STXBP5L: variants seen among roughly 807,000 people sequenced by gnomAD.
STXBP5L encodes the protein syntaxin binding protein 5L, also known as syntaxin-binding protein 5-like.
A neutral mutation model predicts 144.5 loss-of-function variants in STXBP5L; 65 were observed. That is an observed-to-expected ratio of 0.45 (90% CI 0.37 to 0.55). The LOEUF (loss-of-function observed/expected upper bound fraction) is 0.55. Among genes scored for constraint, STXBP5L ranks in the 20% least tolerant of loss-of-function variants. The probability of loss-of-function intolerance (pLI) is 0.00; values close to 1 mark genes in which losing one functional copy is unlikely to be tolerated. For missense variants in STXBP5L, 1,298 were observed against 1,405.5 expected (o/e 0.92, Z 1.22); for synonymous variants, 505 against 469.6 (o/e 1.08, Z -0.97).
At chr3:121,054,907 G>A (rs541627594) in intron 5 of STXBP5L, among the ~76,000 whole-genome samples, 1 of 152,182 alleles carries the variant, frequency 6.6e-6, no homozygotes, top group Admixed American at 6.6e-5. Context: ...GATGGACAGA[G>A]TGTTTTTATT....
At chr3:121,007,555 T>A (rs752238560) in intron 3 of STXBP5L, among the ~76,000 whole-genome samples, 3 of 152,058 alleles carry the variant, frequency 2.0e-5, no homozygotes, top group Non-Finnish European at 4.4e-5. Context: ...TTAAAATTCT[T>A]TAATAGATAT....
chr3:121,121,648 A>G lies in STXBP5L; in HGVS notation c.613A>G (p.Lys205Glu). Residue 205 changes from lysine to glutamate, a missense_variant, in exon 7 of 27, where the codon AAG becomes GAG. Physicochemically the swap from Lys to Glu is moderately conservative, Grantham distance 56 (BLOSUM62 1). Coordinates refer to ENST00000471454, the MANE Select transcript of STXBP5L (RefSeq NM_001308330.2). ...TTTGAATTGATTTAACAGATCCACT[A>G]AGACTCATCCAGGTCCAGTTGTACA... ...MWNKAIELSTKTHPGPVVHLS... is the reference protein window; with the variant it reads ...MWNKAIELSTETHPGPVVHLS... 5 of 1,604,338 alleles carry G rather than the reference A, an allele frequency of 3.1e-6. No individual in the cohort carries two copies. Among genetic ancestry groups the G allele is most frequent in the Non-Finnish European group, 3.4e-6 (4 of 1,173,012 alleles).
intron 10 of STXBP5L, among the ~76,000 whole-genome samples, chr3:121,221,859 G>A (rs1478698364): frequency 5.9e-5 from 9 of 151,646 alleles, no homozygotes; most frequent in Admixed American, 5.3e-4. Flanking sequence ...ATGTATGTTT[G>A]TATAGAAGCT....
intron 6 of STXBP5L, among the ~76,000 whole-genome samples, chr3:121,121,294 T>C (rs1386222726): frequency 6.6e-6 from 1 of 151,284 alleles, no homozygotes; most frequent in Admixed American, 6.6e-5. Context: ...ACCATTACCT[T>C]TGTAGCTGTA....
Position 121,077,993 on chromosome 3 carries a change from T to G in STXBP5L, c.470+32458T>G, listed in dbSNP as rs189457094. Among the ~76,000 whole-genome samples, 4 of 152,240 alleles carry G rather than the reference T, an allele frequency of 2.6e-5. No individual in the cohort carries two copies. In the East Asian group the frequency reaches 7.7e-4, roughly 29 times the overall value. On this transcript the variant is annotated intron_variant, in intron 5 of 26. Coordinates refer to ENST00000471454, the MANE Select transcript of STXBP5L (RefSeq NM_001308330.2). ...TAGCTAGATACAGAGTGTCGATTGGTACATTCACAAACCCTGAGCTAGACA... is the reference window on the plus strand; with the variant it reads ...TAGCTAGATACAGAGTGTCGATTGGGACATTCACAAACCCTGAGCTAGACA...
chr3:121,129,033 T>G (rs1157210293), intron 7 of STXBP5L, among the ~76,000 whole-genome samples: 2 of 151,934 alleles, frequency 1.3e-5, no homozygotes, highest in Non-Finnish European at 2.9e-5. Flanking sequence ...TACTGGGAAA[T>G]TTTTAAAAAA....
intron 22 of STXBP5L, among the ~76,000 whole-genome samples, chr3:121,396,358 C>G (rs775269238): frequency 5.9e-5 from 9 of 152,176 alleles, no homozygotes; most frequent in Non-Finnish European, 1.2e-4. Context: ...AAAAATGTAG[C>G]TAGAGCTTGG....
intron 9 of STXBP5L, among the ~76,000 whole-genome samples, chr3:121,170,617 A>ATATAC (rs2046673120): frequency 6.6e-6 from 1 of 152,198 alleles, no homozygotes; most frequent in South Asian, 2.1e-4. Flanking sequence ...TCCTAACCAC[A>ATATAC]TATACCCTCC....
intron 7 of STXBP5L, among the ~76,000 whole-genome samples, chr3:121,124,088 G>A (rs1037504047): frequency 1.3e-5 from 2 of 151,714 alleles, no homozygotes; most frequent in Admixed American, 6.6e-5. Flanking sequence ...TTATTGTATA[G>A]TGAATCTATT....
intron 22 of STXBP5L, among the ~76,000 whole-genome samples, chr3:121,382,728 G>A (rs2046347620): frequency 6.6e-6 from 1 of 152,020 alleles, no homozygotes; most frequent in African/African-American, 2.4e-5. Context: ...TGTATCACAA[G>A]CATAGAAATA....
At chr3:121,009,995 C>A (rs143781616) in intron 3 of STXBP5L, among the ~76,000 whole-genome samples, 7 of 151,936 alleles carry the variant, frequency 4.6e-5, no homozygotes, top group African/African-American at 1.7e-4. Flanking sequence ...GCTATGTTGA[C>A]ATGTTCTAGT....
intron 21 of STXBP5L, among the ~76,000 whole-genome samples, chr3:121,380,013 T>C (rs1560039672): frequency 6.6e-6 from 1 of 152,088 alleles, no homozygotes; most frequent in Non-Finnish European, 1.5e-5. Flanking sequence ...TTTTCAGTTT[T>C]TGTAGAGACA....
rs192719746 is a variant in STXBP5L, at chr3:120,975,996, T to C, written c.287+20959T>C. Among the ~76,000 whole-genome samples, 1,240 of 149,678 alleles carry C rather than the reference T, an allele frequency of 8.3e-3. 22 individuals carry two copies. The highest frequency in any genetic ancestry group is 0.029 in the African/African-American group (1,159 of 40,156). ...TCAATGTTCATCAAGGATATTGGTC[T>C]AAAATTCTCTTTTTTTTGTTGTGTC... On this transcript the variant is annotated intron_variant, in intron 3 of 26. Coordinates refer to ENST00000471454, the MANE Select transcript of STXBP5L (RefSeq NM_001308330.2).
chr3:121,026,015 ATATT>A (rs1945911203), intron 3 of STXBP5L, among the ~76,000 whole-genome samples: 1 of 143,018 alleles, frequency 7.0e-6, no homozygotes, highest in South Asian at 2.1e-4. Context: ...ATATATAAAT[ATATT>A]TATAATTTTA....
intron 9 of STXBP5L, among the ~76,000 whole-genome samples, chr3:121,203,282 C>A (rs1207329437): frequency 2.0e-5 from 3 of 152,078 alleles, no homozygotes; most frequent in Non-Finnish European, 4.4e-5. Context: ...CTATTTTGTA[C>A]CTCATTAACA....
rs544653028 is a variant in STXBP5L at position 121,128,883 on chromosome 3, A to G, written c.669+7179A>G. 1.6e-4 allele frequency among the ~76,000 whole-genome samples: 24 copies of G among 152,268 alleles called. No homozygotes were observed. In the South Asian group the frequency reaches 5.0e-3, roughly 32 times the overall value. On this transcript the variant is annotated intron_variant, in intron 7 of 26. Transcript: ENST00000471454. ...AGATTCAGAATCTATTGATTAAAAA[A>G]GGAGCTAGTTGTCACTGAAAAAGAA...
chr3:121,000,604 C>G (rs532167752), intron 3 of STXBP5L, among the ~76,000 whole-genome samples: 1 of 152,298 alleles, frequency 6.6e-6, no homozygotes, highest in South Asian at 2.1e-4. Context: ...ATCCTGAATT[C>G]TATGTCTGTC....
chr3:120,991,530 A>T (rs1318365192), intron 3 of STXBP5L, among the ~76,000 whole-genome samples: 1 of 152,276 alleles, frequency 6.6e-6, no homozygotes, highest in African/African-American at 2.4e-5. Flanking sequence ...ACACATGCAC[A>T]TGTATGTTTA....
At chr3:120,969,974 G>A (rs1177480778) in intron 3 of STXBP5L, among the ~76,000 whole-genome samples, 1 of 151,820 alleles carries the variant, frequency 6.6e-6, no homozygotes, top group Non-Finnish European at 1.5e-5. Context: ...TTGCATTGTG[G>A]TTACTATGAG....
Sources: allele counts gnomAD v4.1 joint callset (sites outside exome capture counted in the v4.1 genomes callset), GRCh38; gene constraint gnomAD v4.1.1; transcripts MANE v1.5; gene names NCBI Gene and HGNC (gene_info 2026-07-23, HGNC 2026-07-21).